The following KANK2 variants were observed in gnomAD, a reference collection of about 807,000 sequenced individuals.
The protein encoded by KANK2 is KN motif and ankyrin repeat domains 2, also known as KN motif and ankyrin repeat domain-containing protein 2.
In KANK2, 41 loss-of-function variants were observed where a neutral mutation model predicts 74.6. The observed-to-expected ratio is 0.55, with a 90% confidence interval of 0.43 to 0.71. The LOEUF is 0.71. Among genes scored for constraint, KANK2 ranks in the 30% least tolerant of loss-of-function variants. The pLI is 0.00. For synonymous variants in KANK2, 537 were observed against 519.0 expected, an observed-to-expected ratio of 1.03 and a Z score of -0.47; for missense variants, 1,148 against 1,196.4, an observed-to-expected ratio of 0.96 and a Z score of 0.60.
At chr19:11,181,905 T>C (rs2078530092) in intron 4 of KANK2, among the ~76,000 whole-genome samples, 1 of 147,832 alleles carries the variant, frequency 6.8e-6, no homozygotes, top group Non-Finnish European at 1.5e-5. Flanking sequence ...CAAACATGGA[T>C]AAGATGGTTA....
intron 6 of KANK2, 60 bp from the exon 7 acceptor site, chr19:11,176,877 A>C (rs954119200): frequency 2.0e-6 from 3 of 1,481,396 alleles, no homozygotes; most frequent in South Asian, 1.4e-5. Context: ...ATGGTGGGAA[A>C]GGAAGGCAGG....
chr19:11,178,382 G>A lies in KANK2; in HGVS notation c.1483C>T (p.His495Tyr). 1 of 1,541,300 alleles carries A rather than the reference G, an allele frequency of 6.5e-7. No individual in the cohort carries two copies. The highest frequency in any genetic ancestry group is 8.7e-7 in the Non-Finnish European group (1 of 1,151,464). The change falls in exon 6 of 13, where the codon CAC becomes TAC. Residue 495 changes from histidine (H) to tyrosine (Y), a missense_variant. Physicochemically the swap from His to Tyr is moderately conservative, Grantham distance 83 (BLOSUM62 2). Coordinates refer to ENST00000586659, the MANE Select transcript of KANK2 (RefSeq NM_001136191.3). ...RKEEVADPTAHRRSLQFVGVN... is the reference protein window; with the variant it reads ...RKEEVADPTAYRRSLQFVGVN... ...CCCACGAACTGGAGGCTCCTCCGGTGGGCCGTGGGGTCTGCAACCTCCTCT... is the reference window on the plus strand; with the variant it reads ...CCCACGAACTGGAGGCTCCTCCGGTAGGCCGTGGGGTCTGCAACCTCCTCT...
intron 12 of KANK2, among the ~76,000 whole-genome samples, chr19:11,169,256 C>T (rs113962641): frequency 0.065 from 9,799 of 151,776 alleles, 359 homozygotes; most frequent in African/African-American, 0.1. Flanking sequence ...GAGAATTGCT[C>T]GAACCTGGGA....
At chr19:11,186,378 ACT>A (rs1352587310) in intron 4 of KANK2, among the ~76,000 whole-genome samples, 4 of 150,512 alleles carry the variant, frequency 2.7e-5, no homozygotes, top group African/African-American at 4.9e-5. Flanking sequence ...ACAGAGCAAG[ACT>A]CTGTCTCAAC....
chr19:11,194,148 A>C, intron 3 of KANK2, 106 bp from the exon 4 acceptor site: 1 of 1,258,176 alleles, frequency 7.9e-7, no homozygotes, highest in South Asian at 1.5e-5. Context: ...AAGAGATGGG[A>C]GCCCACCTGG....
At chr19:11,178,827 G>A in intron 4 of KANK2, 107 bp from the exon 5 acceptor site, 2 of 1,012,564 alleles carry the variant, frequency 2.0e-6, no homozygotes. Context: ...GCTGATTTTT[G>A]TGTTACCACA....
chr19:11,186,256 C>T (rs1021503898), intron 4 of KANK2, among the ~76,000 whole-genome samples: 1 of 151,238 alleles, frequency 6.6e-6, no homozygotes, highest in African/African-American at 2.4e-5. Context: ...GGTGTGGTGG[C>T]GGGTGCCTGT....
At chr19:11,191,348 TTA>T (rs2078839567) in intron 4 of KANK2, among the ~76,000 whole-genome samples, 1 of 152,184 alleles carries the variant, frequency 6.6e-6, no homozygotes, top group African/African-American at 2.4e-5. Flanking sequence ...CCAGCTGTCA[TTA>T]TTATGAGTCA....
At position 11,170,030 on chromosome 19, in the gene KANK2, A is replaced by T. The variant is rs747475104; in HGVS notation, c.2412+18T>A. On this transcript the variant is annotated intron_variant, in intron 11 of 12. Transcript: ENST00000586659. This position sits in a 1 kb window ranked among gnomAD's most constrained non-coding sequence, Gnocchi z 5.2. ...TGTGCTCCCGCCCTCCCCGGGGTGC[A>T]CCTGGTTGGAGACTCACGCGATCTG... The T allele has an allele frequency of 3.3e-5, 54 of 1,612,278 alleles. No homozygotes were observed. The highest frequency in any genetic ancestry group is 4.5e-5 in the Non-Finnish European group (53 of 1,178,454).
At chr19:11,185,801 G>C (rs2078657774) in intron 4 of KANK2, among the ~76,000 whole-genome samples, 1 of 132,980 alleles carries the variant, frequency 7.5e-6, no homozygotes. Context: ...CCAGGGCTTT[G>C]GGAGGCTGAG....
In KANK2 at chr19:11,166,126, A is replaced by G. The variant is rs1435206198; in HGVS notation, c.*432T>C. On this transcript the variant is annotated 3_prime_UTR_variant, in exon 13 of 13. Coordinates refer to ENST00000586659, the MANE Select transcript of KANK2 (RefSeq NM_001136191.3). ...TAACACTTAGGATTAAAATGAAAAT[A>G]TGCAAGTTCCAGTGACTTTCAAATC... is the stretch of plus-strand genomic sequence containing the variant. 1 of 165,554 alleles carries G rather than the reference A, an allele frequency of 6.0e-6. No individual in the cohort carries two copies. Among genetic ancestry groups the G allele is most frequent in the East Asian group, 1.7e-4 (1 of 5,768 alleles). The allele number at this position is 165,554 out of a possible 1,614,324, so 10.3% of individuals were successfully genotyped here. A position where few individuals can be genotyped will look rare whatever the true frequency, so the allele number is the denominator to read the frequency against.
At chr19:11,191,595 G>C (rs1015540861) in intron 4 of KANK2, among the ~76,000 whole-genome samples, 3 of 152,198 alleles carry the variant, frequency 2.0e-5, no homozygotes, top group Non-Finnish European at 4.4e-5. Flanking sequence ...AGCCAATGAG[G>C]GCCCCCTCTG....
chr19:11,180,005 C>T (rs2078467131), intron 4 of KANK2, among the ~76,000 whole-genome samples: 1 of 152,188 alleles, frequency 6.6e-6, no homozygotes, highest in Non-Finnish European at 1.5e-5. Context: ...GCAGTAAAGG[C>T]GCATGCCACT....
chr19:11,179,033 T>G (rs555957248), intron 4 of KANK2, among the ~76,000 whole-genome samples: 1 of 152,240 alleles, frequency 6.6e-6, no homozygotes, highest in East Asian at 1.9e-4. Context: ...AAATAAGGTT[T>G]GGCCGGGCAC....
At chr19:11,194,286 C>T (rs1448890955) in intron 3 of KANK2, among the ~76,000 whole-genome samples, 189 bp downstream of exon 3, 1 of 152,032 alleles carries the variant, frequency 6.6e-6, no homozygotes, top group African/African-American at 2.4e-5. Flanking sequence ...TTAGACTACC[C>T]CCTTTTTCCG....
intron 4 of KANK2, among the ~76,000 whole-genome samples, chr19:11,190,346 T>A (rs1302449401): frequency 6.6e-6 from 1 of 152,136 alleles, no homozygotes; most frequent in Non-Finnish European, 1.5e-5. Flanking sequence ...CAGGCTGGTC[T>A]TGAACCCCTG....
Position 11,191,412 on chromosome 19 carries a change from G to T in KANK2, c.1249+1419C>A, listed in dbSNP as rs150148306. Among the ~76,000 whole-genome samples, 36 of 152,314 alleles carry T rather than the reference G, an allele frequency of 2.4e-4. No individual in the cohort carries two copies. In the East Asian group the frequency reaches 5.2e-3, roughly 22 times the overall value. On this transcript the variant is annotated intron_variant, in intron 4 of 12. Coordinates refer to ENST00000586659, the MANE Select transcript of KANK2 (RefSeq NM_001136191.3). The stretch of plus-strand genomic sequence containing the variant: ...AGGACAACCCAGCAGCTGACATTCT[G>T]CACAGCCGGCATCCCCTTTCCTGGC...
At chr19:11,192,312 A>G (rs1207600818) in intron 4 of KANK2, 1 of 163,490 alleles carries the variant, frequency 6.1e-6, no homozygotes, top group African/African-American at 2.4e-5. Context: ...CATGGTTGCT[A>G]CAGCCCTGAG....
intron 10 of KANK2, among the ~76,000 whole-genome samples, chr19:11,172,203 C>G (rs1233147758): frequency 1.3e-5 from 2 of 151,894 alleles, no homozygotes; most frequent in East Asian, 3.9e-4. Context: ...TCTTGAACTT[C>G]TGACCTCAGG....
Sources: allele counts gnomAD v4.1 joint callset (sites outside exome capture counted in the v4.1 genomes callset), GRCh38; gene constraint gnomAD v4.1.1; non-coding constraint Gnocchi (gnomAD v3.1); transcripts MANE v1.5; gene names NCBI Gene and HGNC (gene_info 2026-07-23, HGNC 2026-07-21).